RHD: variants seen among roughly 807,000 people sequenced by gnomAD.
RHD encodes the protein Rh blood group D antigen, also known as blood group Rh(D) polypeptide.
Under a neutral mutation model 45.5 loss-of-function variants are expected in RHD, and 16 were observed. The ratio of observed to expected loss-of-function variants is 0.35; its 90% CI spans 0.24 to 0.53. RHD has a LOEUF of 0.53. RHD is among the 20% of genes least tolerant of loss of function. The pLI, the probability that RHD is intolerant of heterozygous loss-of-function variation, is 0.92. For synonymous variants in RHD, 131 were observed against 217.5 expected, an observed-to-expected ratio of 0.60 and a Z score of 3.50; for missense variants, 306 against 532.0, an observed-to-expected ratio of 0.58 and a Z score of 4.18.
At chr1:25,321,812 C>T (rs1270994446) in intron 8 of RHD, 77 bp from the exon 9 acceptor site, 2 of 785,920 alleles carry the variant, frequency 2.5e-6, no homozygotes, top group African/African-American at 1.6e-5. Context: ...CGTTTTGACA[C>T]ACAATATTTC....
chr1:25,296,846 C>T lies in RHD; in HGVS notation c.487-4100C>T, dbSNP rs1191349530. Among the ~76,000 whole-genome samples, 11 of 127,958 alleles carry T rather than the reference C, an allele frequency of 8.6e-5. 3 individuals are homozygous for T. The South Asian group carries it at 2.7e-3, about 31-fold the overall frequency. The allele number at this position is 127,958 out of a possible 152,430, so 83.9% of individuals were successfully genotyped here. On this transcript the variant is annotated intron_variant, in intron 3 of 9. Transcript: ENST00000328664. ...CTGAGGCCTCCCCGGCCATGCCAAA[C>T]TGTGAGTCAATTCAGCCTCTTTTGT... is the stretch of plus-strand genomic sequence containing the variant.
At chr1:25,297,376 G>A (rs1183976432) in intron 3 of RHD, among the ~76,000 whole-genome samples, 1 of 99,480 alleles carries the variant, frequency 1.0e-5, no homozygotes, top group Non-Finnish European at 2.4e-5. Context: ...GGGTTAAGAT[G>A]GTACCTGCCA....
Position 25,318,752 on chromosome 1 carries a change from C to T in RHD, c.1153+1673C>T, listed in dbSNP as rs1278585159. Among the ~76,000 whole-genome samples, 3 of 132,534 alleles carry T rather than the reference C, an allele frequency of 2.3e-5. 1 individual carries two copies. The South Asian group carries it at 6.9e-4, about 30-fold the overall frequency. 86.9% of individuals were successfully genotyped at this position (132,534 alleles called of 152,430 possible). A position where few individuals can be genotyped will look rare whatever the true frequency, so the allele number is the denominator to read the frequency against. ...ACACTATGAGTTGTGTGACGTTGGG[C>T]ATGTCACTTTACTCCCTCTGAGCCT... On this transcript the variant is annotated intron_variant, in intron 8 of 9. Coordinates refer to ENST00000328664, the MANE Select transcript of RHD (RefSeq NM_016124.6).
chr1:25,289,991 G>A lies in RHD; in HGVS notation c.336-650G>A, dbSNP rs1324169750. Among the ~76,000 whole-genome samples, 2 of 128,700 alleles carry A rather than the reference G, an allele frequency of 1.6e-5. 1 individual carries two copies. Among genetic ancestry groups the A allele is most frequent in the Non-Finnish European group, 3.6e-5 (2 of 54,800 alleles). 84.4% of individuals were successfully genotyped at this position (128,700 alleles called of 152,430 possible). ...GTCTTGGTGCTAGACACACCGATAG[G>A]AAGAATACTCCTTCACATCCCCAGG... On this transcript the variant is annotated intron_variant, in intron 2 of 9. Coordinates refer to ENST00000328664, the MANE Select transcript of RHD (RefSeq NM_016124.6).
chr1:25,296,771 G>A (rs1642994417), intron 3 of RHD, among the ~76,000 whole-genome samples: 1 of 121,488 alleles, frequency 8.2e-6, no homozygotes, highest in Non-Finnish European at 2.0e-5. Flanking sequence ...CTGACACCAC[G>A]TAAGATGTGC....
chr1:25,290,774 A>G lies in RHD; in HGVS notation c.469A>G (p.Ile157Val), dbSNP rs1642432058. 1 of 1,377,156 alleles carries G rather than the reference A, an allele frequency of 7.3e-7. No homozygotes were observed. Among genetic ancestry groups the G allele is most frequent in the East Asian group, 2.2e-5 (1 of 44,626 alleles). The allele number at this position is 1,377,156 out of a possible 1,614,324, so 85.3% of individuals were successfully genotyped here. A position where few individuals can be genotyped will look rare whatever the true frequency, so the allele number is the denominator to read the frequency against. ...AGCTTTAGGCAACCTGAGGATGGTCATCAGTAATATCTTCAACGTGAGTCA... is the reference window on the plus strand; with the variant it reads ...AGCTTTAGGCAACCTGAGGATGGTCGTCAGTAATATCTTCAACGTGAGTCA... ...VTALGNLRMV[I>V]SNIFNTDYHM... Residue 157 changes from isoleucine (I) to valine (V), a missense_variant, in exon 3 of 10, where the codon ATC becomes GTC. Transcript: ENST00000328664.
chr1:25,280,774 A>C (rs1641428626), intron 1 of RHD, among the ~76,000 whole-genome samples: 1 of 130,314 alleles, frequency 7.7e-6, no homozygotes, highest in South Asian at 2.3e-4. Flanking sequence ...ACCACGCCCA[A>C]GTAATTTTGT....
chr1:25,274,185 G>A lies in RHD; in HGVS notation c.148+1490G>A, dbSNP rs202204321. Among the ~76,000 whole-genome samples the A allele has an allele frequency of 1.4e-4, 18 of 131,968 alleles. 3 individuals carry two copies. The East Asian group carries it at 2.7e-3, about 20-fold the overall frequency. The allele number at this position is 131,968 out of a possible 152,430, so 86.6% of individuals were successfully genotyped here. ...TTGAACCCTCACAATAACCCAATGA[G>A]GTGGGTACTATTATGATCTTCGTTT... On this transcript the variant is annotated intron_variant, in intron 1 of 9. Coordinates refer to ENST00000328664, the MANE Select transcript of RHD (RefSeq NM_016124.6).
chr1:25,318,983 C>T (rs1221214518), intron 8 of RHD, among the ~76,000 whole-genome samples: 2 of 132,792 alleles, frequency 1.5e-5, no homozygotes, highest in Non-Finnish European at 3.6e-5. Flanking sequence ...GCGTTAATTC[C>T]GTAAGTTAAC....
chr1:25,312,752 CAAATA>C (rs1644213374), intron 7 of RHD, among the ~76,000 whole-genome samples: 1 of 111,846 alleles, frequency 8.9e-6, no homozygotes, highest in African/African-American at 3.0e-5. Context: ...TCTGTCTCTA[CAAATA>C]AAATTAAATA....
At chr1:25,301,449 C>A in intron 4 of RHD, 71 bp from the exon 5 acceptor site, 1 of 1,284,102 alleles carries the variant, frequency 7.8e-7, no homozygotes, top group Non-Finnish European at 1.1e-6. Context: ...GATTCTCATC[C>A]AAAACCCCTC....
At chr1:25,287,617 C>G (rs1408445404) in intron 2 of RHD, among the ~76,000 whole-genome samples, 41 of 135,424 alleles carry the variant, frequency 3.0e-4, no homozygotes, top group Non-Finnish European at 6.1e-4. Flanking sequence ...AGGGGCCTAT[C>G]TTATTCAACG....
chr1:25,299,668 C>T (rs1643229918), intron 3 of RHD, among the ~76,000 whole-genome samples: 1 of 131,558 alleles, frequency 7.6e-6, no homozygotes, highest in South Asian at 2.3e-4. Context: ...AGGGTCGTGG[C>T]AAGAACCTGG....
chr1:25,296,744 TTC>T (rs1339360234), intron 3 of RHD, among the ~76,000 whole-genome samples: 13 of 121,678 alleles, frequency 1.1e-4, no homozygotes, highest in African/African-American at 1.3e-4. Context: ...CTCTCTCTCT[TTC>T]TCTCTCTCTC....
rs867217878 is a variant in RHD at position 25,301,973 on chromosome 1, A to C, written c.801+287A>C. On this transcript the variant is annotated intron_variant, in intron 5 of 9. Transcript: ENST00000328664. ...TTGAACCCCATTTCTGCTAGTTGCT[A>C]AAGTCAGTCACCATGAGCGAGAGTC... Among the ~76,000 whole-genome samples the C allele has an allele frequency of 8.6e-3, 1,119 of 130,044 alleles. 93 individuals are homozygous for C. The highest frequency in any genetic ancestry group is 0.012 in the Non-Finnish European group (666 of 54,460). The allele number at this position is 130,044 out of a possible 152,430, so 85.3% of individuals were successfully genotyped here.
In RHD at chr1:25,329,408, A is replaced by AT. The variant is rs1230970431; in HGVS notation, c.*490dup. On this transcript the variant is annotated 3_prime_UTR_variant, in exon 10 of 10. Coordinates refer to ENST00000328664, the MANE Select transcript of RHD (RefSeq NM_016124.6). Reference sequence around the variant, plus strand: ...TACAGGCACCCACCACATCTGGCTAATTTTTTGTATTTTTAGTAAAGATGG... The same window carrying AT: ...TACAGGCACCCACCACATCTGGCTAATTTTTTTGTATTTTTAGTAAAGATGG... 6 of 256,252 alleles carry AT rather than the reference A, an allele frequency of 2.3e-5. 1 individual carries two copies. The highest frequency in any genetic ancestry group is 4.1e-5 in the Non-Finnish European group (5 of 123,094). 15.9% of individuals were successfully genotyped at this position (256,252 alleles called of 1,614,324 possible). A position where few individuals can be genotyped will look rare whatever the true frequency, so the allele number is the denominator to read the frequency against.
At position 25,322,033 on chromosome 1, in the gene RHD, G is replaced by A; in HGVS notation, c.1227+71G>A. 3.6e-6 allele frequency: 3 copies of A among 823,012 alleles called. No individual in the cohort carries two copies. In the South Asian group the frequency reaches 4.1e-5, roughly 11 times the overall value. 51.0% of individuals were successfully genotyped at this position (823,012 alleles called of 1,614,324 possible). A position where few individuals can be genotyped will look rare whatever the true frequency, so the allele number is the denominator to read the frequency against. ...CTTAAAAACATACCTGAGTATATAT[G>A]TTGACTTGCTGTTTATGAGTAAAAC... On this transcript the variant is annotated intron_variant, in intron 9 of 9. Transcript: ENST00000328664.
At chr1:25,291,928 A>AGCAAG (rs1265178012) in intron 3 of RHD, among the ~76,000 whole-genome samples, 1 of 132,664 alleles carries the variant, frequency 7.5e-6, no homozygotes, top group African/African-American at 2.6e-5. Flanking sequence ...AAGATCACAT[A>AGCAAG]GCAAGATAGT....
rs532623954 is a variant in RHD, at chr1:25,319,960, G to A, written c.1154-1929G>A. 1.9e-4 allele frequency among the ~76,000 whole-genome samples: 25 copies of A among 130,758 alleles called. 6 individuals carry two copies. The South Asian group carries it at 4.2e-3, about 22-fold the overall frequency. The allele number at this position is 130,758 out of a possible 152,430, so 85.8% of individuals were successfully genotyped here. ...GTTGCCCAGGCTGGAGTGCAATGGC[G>A]CTATCTCGGCTCACTACAACCTCAG... On this transcript the variant is annotated intron_variant, in intron 8 of 9. Coordinates refer to ENST00000328664, the MANE Select transcript of RHD (RefSeq NM_016124.6).
Sources: allele counts gnomAD v4.1 joint callset (sites outside exome capture counted in the v4.1 genomes callset), GRCh38; gene constraint gnomAD v4.1.1; transcripts MANE v1.5; gene names NCBI Gene and HGNC (gene_info 2026-07-23, HGNC 2026-07-21).